SMAD2: variants seen among roughly 807,000 people sequenced by gnomAD.
The protein encoded by SMAD2 is MAD homolog 2.
In SMAD2, 8 loss-of-function variants were observed where a neutral mutation model predicts 64.4. The ratio of observed to expected loss-of-function variants is 0.12; its 90% confidence interval spans 0.07 to 0.22. The LOEUF (loss-of-function observed/expected upper bound fraction) is 0.22, where lower values mean the gene tolerates loss of function less well. Ranked by LOEUF, SMAD2 falls within the 10% of genes least tolerant of loss-of-function variation. The probability of loss-of-function intolerance (pLI) is 1.00; values close to 1 mark genes in which losing one functional copy is unlikely to be tolerated. For missense variants in SMAD2, 289 were observed against 561.2 expected, an observed-to-expected ratio of 0.51 and a Z score of 4.90; for synonymous variants, 203 against 195.8, an observed-to-expected ratio of 1.04 and a Z score of -0.31.
intron 1 of SMAD2, among the ~76,000 whole-genome samples, chr18:47,904,447 A>G (rs1018179005): frequency 6.6e-6 from 1 of 151,906 alleles, no homozygotes; most frequent in Admixed American, 6.6e-5. Context: ...TAACCACCAT[A>G]TTCTACTGCC....
chr18:47,919,469 TACACACACAC>T (rs66523523), intron 1 of SMAD2, among the ~76,000 whole-genome samples: 45,761 of 129,746 alleles, frequency 0.35, 9,414 homozygotes, highest in Non-Finnish European at 0.45. Flanking sequence ...AAAAAAAAAA[TACACACACAC>T]ACACACACAC....
intron 2 of SMAD2, among the ~76,000 whole-genome samples, chr18:47,879,943 T>C (rs566012878): frequency 2.6e-5 from 4 of 152,296 alleles, no homozygotes; most frequent in African/African-American, 9.6e-5. Context: ...CCTACCGATA[T>C]TACACATTTT....
chr18:47,851,304 T>G lies in SMAD2; in HGVS notation c.754A>C (p.Thr252Pro). 2 of 1,609,704 alleles carry G rather than the reference T, an allele frequency of 1.2e-6. No individual in the cohort carries two copies. Among genetic ancestry groups the G allele is most frequent in the South Asian group, 1.1e-5 (1 of 90,968 alleles). ...DTGSPAELSPTTLSPVNHSLD... is the reference protein window; with the variant it reads ...DTGSPAELSPPTLSPVNHSLD... ...CTATGATTAACAGGGGAAAGAGTAG[T>G]AGGAGATAGTTCTGCTGGAGAGCCT... Residue 252 changes from threonine to proline, a missense_variant, in exon 7 of 11, where the codon ACT (threonine) becomes CCT (proline). This residue lies in a region of SMAD2 where 119 missense variants were observed against 156.7 expected (regional missense o/e 0.76). Transcript: ENST00000262160.
At chr18:47,852,810 A>G (rs2030252361) in intron 6 of SMAD2, among the ~76,000 whole-genome samples, 1 of 152,214 alleles carries the variant, frequency 6.6e-6, no homozygotes, top group African/African-American at 2.4e-5. Context: ...AAACATACAA[A>G]ATAAGAACCA....
rs184830365 is a variant in SMAD2 at position 47,908,292 on chromosome 18, A to C, written c.-53-11483T>G. Among the ~76,000 whole-genome samples the C allele has an allele frequency of 2.5e-3, 381 of 152,354 alleles. 1 individual carries two copies. The highest frequency in any genetic ancestry group is 8.3e-3 in the African/African-American group (347 of 41,586). ...CAAATGACAGCCATCACAAACATAC[A>C]TGAGGCACTGACAAAATGGTTGTTG... On this transcript the variant is annotated intron_variant, in intron 1 of 10. Coordinates refer to ENST00000262160, the MANE Select transcript of SMAD2 (RefSeq NM_005901.6).
intron 1 of SMAD2, among the ~76,000 whole-genome samples, chr18:47,928,989 T>C (rs2034885116): frequency 6.6e-6 from 1 of 152,254 alleles, no homozygotes; most frequent in Admixed American, 6.5e-5. Context: ...CTAAGGAACT[T>C]TAAAAATAAA....
Position 47,901,953 on chromosome 18 carries a change from C to A in SMAD2, c.-53-5144G>T, listed in dbSNP as rs1261730401. On this transcript the variant is annotated intron_variant, in intron 1 of 10. Coordinates refer to ENST00000262160, the MANE Select transcript of SMAD2 (RefSeq NM_005901.6). The stretch of plus-strand genomic sequence containing the variant: ...TGTGTATTCACCACTTCCTCAAACG[C>A]TTTCAACTCTCACCTATTGTTCTCA... 3.3e-5 allele frequency among the ~76,000 whole-genome samples: 5 copies of A among 152,296 alleles called. No homozygotes were observed. The East Asian group carries it at 7.7e-4, about 23-fold the overall frequency.
At chr18:47,871,073 GAATA>G (rs749303724) in intron 2 of SMAD2, among the ~76,000 whole-genome samples, 25 of 152,166 alleles carry the variant, frequency 1.6e-4, no homozygotes, top group South Asian at 4.2e-4. Flanking sequence ...CTCATCTCTA[GAATA>G]AATAAAGAAA....
In SMAD2 at chr18:47,825,283, A is replaced by G. The variant is rs11663338; in HGVS notation, c.*16544T>C. Reference sequence around the variant, plus strand: ...TCCCTCAAATGTATGATGAGATTTTATCTTCATTGTGGTGGTGTTGAGAGC... The same window carrying G: ...TCCCTCAAATGTATGATGAGATTTTGTCTTCATTGTGGTGGTGTTGAGAGC... On this transcript the variant is annotated 3_prime_UTR_variant, in exon 11 of 11. Coordinates refer to ENST00000262160, the MANE Select transcript of SMAD2 (RefSeq NM_005901.6). The G allele has an allele frequency of 0.036, 5,431 of 152,292 alleles. 129 individuals are homozygous for G. The highest frequency in any genetic ancestry group is 0.054 in the Non-Finnish European group (3,707 of 68,026). The allele number at this position is 152,292 out of a possible 1,614,324, so 9.4% of individuals were successfully genotyped here. A position where few individuals can be genotyped will look rare whatever the true frequency, so the allele number is the denominator to read the frequency against.
At chr18:47,911,018 A>G (rs1300022051) in intron 1 of SMAD2, among the ~76,000 whole-genome samples, 1 of 152,212 alleles carries the variant, frequency 6.6e-6, no homozygotes, top group African/African-American at 2.4e-5. Flanking sequence ...AGGTCCTCAA[A>G]CTGAGGATAT....
At chr18:47,882,617 T>C (rs981334183) in intron 2 of SMAD2, among the ~76,000 whole-genome samples, 2 of 152,232 alleles carry the variant, frequency 1.3e-5, no homozygotes, top group African/African-American at 2.4e-5. Flanking sequence ...TTTAGTTGCA[T>C]CTTTGTCAGG....
chr18:47,844,269 AAACTT>A (rs1417257393), intron 10 of SMAD2, among the ~76,000 whole-genome samples: 4 of 152,190 alleles, frequency 2.6e-5, no homozygotes, highest in Non-Finnish European at 5.9e-5. Context: ...ATTTCTGACA[AAACTT>A]AAGATAGACA....
At chr18:47,921,653 T>G (rs1200785671) in intron 1 of SMAD2, among the ~76,000 whole-genome samples, 1 of 152,200 alleles carries the variant, frequency 6.6e-6, no homozygotes, top group African/African-American at 2.4e-5. Context: ...TTTTTTAATT[T>G]TTTTAAGCAC....
intron 4 of SMAD2, among the ~76,000 whole-genome samples, chr18:47,868,924 T>A (rs1449030102): frequency 6.6e-6 from 1 of 152,176 alleles, no homozygotes; most frequent in African/African-American, 2.4e-5. Context: ...GCACTCCAAG[T>A]GCAAAATGCT....
chr18:47,903,709 A>T (rs2033780503), intron 1 of SMAD2, among the ~76,000 whole-genome samples: 1 of 152,186 alleles, frequency 6.6e-6, no homozygotes, highest in African/African-American at 2.4e-5. Context: ...ACTTCATCAC[A>T]GATATCAAAG....
At chr18:47,896,181 C>T (rs761655468) in intron 2 of SMAD2, among the ~76,000 whole-genome samples, 2 of 152,104 alleles carry the variant, frequency 1.3e-5, no homozygotes, top group African/African-American at 2.4e-5. Flanking sequence ...AAAGTTTTGA[C>T]TAAAGGAGGA....
intron 5 of SMAD2, chr18:47,867,113 C>CGACT (rs1009145486): frequency 1.3e-5 from 2 of 152,152 alleles, no homozygotes; most frequent in African/African-American, 2.4e-5. Context: ...TGCCCTGTTT[C>CGACT]ATAGTCCCGG....
chr18:47,875,256 T>C (rs1422288894), intron 2 of SMAD2, among the ~76,000 whole-genome samples: 5 of 152,178 alleles, frequency 3.3e-5, no homozygotes, highest in Non-Finnish European at 5.9e-5. Flanking sequence ...TAGGTTTTAA[T>C]GAGGCAGTTT....
intron 5 of SMAD2, 61 bp downstream of exon 5, chr18:47,868,262 A>T: frequency 7.1e-7 from 1 of 1,411,090 alleles, no homozygotes; most frequent in Non-Finnish European, 1.0e-6. Context: ...CTAAAACTTG[A>T]ATGCTTATGA....
Sources: allele counts gnomAD v4.1 joint callset (sites outside exome capture counted in the v4.1 genomes callset), GRCh38; gene constraint gnomAD v4.1.1; regional missense constraint gnomAD v4.1.1; transcripts MANE v1.5; gene names NCBI Gene and HGNC (gene_info 2026-07-23, HGNC 2026-07-21).